DIAPH2: variants seen among roughly 807,000 people sequenced by gnomAD.
DIAPH2 encodes the protein protein diaphanous homolog 2.
In DIAPH2, 35 loss-of-function variants were observed where a neutral mutation model predicts 92.7. That is an observed-to-expected ratio of 0.38 (90% CI 0.29 to 0.50). DIAPH2 has a LOEUF of 0.50. Among genes scored for constraint, DIAPH2 ranks in the 20% least tolerant of loss-of-function variants. DIAPH2 has a pLI of 0.94. For synonymous variants in DIAPH2, 301 were observed against 280.4 expected (o/e 1.07, Z -0.73); for missense variants, 701 against 819.5 (o/e 0.86, Z 1.77).
chrX:97,237,612 C>T (rs1356456404), intron 22 of DIAPH2, among the ~76,000 whole-genome samples: 1 of 108,726 alleles, frequency 9.2e-6, no homozygotes, highest in African/African-American at 3.4e-5. Context: ...GAGTCTCTCT[C>T]GCTCTGTCGC....
intron 20 of DIAPH2, among the ~76,000 whole-genome samples, chrX:97,103,481 T>C (rs1433622503): frequency 9.0e-6 from 1 of 111,415 alleles, no homozygotes; most frequent in Non-Finnish European, 1.9e-5. Context: ...AAATAATGCA[T>C]TGAAATTGAA....
intron 26 of DIAPH2, among the ~76,000 whole-genome samples, chrX:97,554,132 G>C (rs1247651267): frequency 9.0e-6 from 1 of 111,671 alleles, no homozygotes; most frequent in Non-Finnish European, 1.9e-5. Flanking sequence ...TGGTTCTGCT[G>C]TCATGATGGC....
At chrX:97,576,276 A>G (rs778047899) in intron 26 of DIAPH2, among the ~76,000 whole-genome samples, 3 of 111,604 alleles carry the variant, frequency 2.7e-5, no homozygotes, top group Non-Finnish European at 5.6e-5. Context: ...CTGCAGTCAG[A>G]CACATTAATG....
chrX:96,980,461 T>C (rs1005175794), intron 17 of DIAPH2, among the ~76,000 whole-genome samples: 17 of 110,251 alleles, frequency 1.5e-4, no homozygotes, highest in African/African-American at 5.6e-4. Context: ...GAACCTAGGG[T>C]TTTTATGGGT....
At chrX:97,269,595 C>CAG (rs1183649163) in intron 23 of DIAPH2, among the ~76,000 whole-genome samples, 1 of 111,637 alleles carries the variant, frequency 9.0e-6, no homozygotes, top group Non-Finnish European at 1.9e-5. Flanking sequence ...ATCCTAGATA[C>CAG]AGAGATTCCT....
intron 1 of DIAPH2, among the ~76,000 whole-genome samples, chrX:96,720,166 A>T (rs1247786209): frequency 9.0e-6 from 1 of 111,651 alleles, no homozygotes. Context: ...AAAACTGTGT[A>T]CATATAGCTT....
chrX:97,106,854 C>T (rs1602346260), intron 20 of DIAPH2, among the ~76,000 whole-genome samples: 1 of 112,086 alleles, frequency 8.9e-6, no homozygotes, highest in East Asian at 2.8e-4. Context: ...ATCGTTTGAA[C>T]GTGAGAGGCG....
intron 26 of DIAPH2, among the ~76,000 whole-genome samples, chrX:97,438,236 G>A (rs754119675): frequency 8.3e-5 from 9 of 107,801 alleles, no homozygotes; most frequent in Non-Finnish European, 1.7e-4. Context: ...TAGGCAGAAT[G>A]ACAACTGATA....
intron 24 of DIAPH2, among the ~76,000 whole-genome samples, chrX:97,363,499 A>T (rs1281288727): frequency 9.6e-6 from 1 of 103,786 alleles, no homozygotes; most frequent in Non-Finnish European, 2.0e-5. Context: ...TCTACTAAAA[A>T]TACAAAAAAA....
At chrX:97,010,376 A>T (rs1306449401) in intron 17 of DIAPH2, among the ~76,000 whole-genome samples, 1 of 111,433 alleles carries the variant, frequency 9.0e-6, no homozygotes, top group East Asian at 2.8e-4. Context: ...TTGGTGATTC[A>T]AAATGGTCTT....
chrX:97,574,235 T>G (rs768410222), intron 26 of DIAPH2, among the ~76,000 whole-genome samples: 1 of 111,853 alleles, frequency 8.9e-6, no homozygotes, highest in South Asian at 3.7e-4. Context: ...CACAGGAAAA[T>G]TAAACGATTT....
intron 26 of DIAPH2, chrX:97,449,781 T>G: frequency 3.1e-6 from 1 of 319,559 alleles, no homozygotes; most frequent in Non-Finnish European, 4.1e-6. Context: ...TGCCCTTTAG[T>G]GGGTCCCATT....
At chrX:97,193,012 C>CTTTT (rs373054114) in intron 22 of DIAPH2, among the ~76,000 whole-genome samples, 19 of 86,554 alleles carry the variant, frequency 2.2e-4, no homozygotes, top group African/African-American at 5.6e-4. Context: ...TTTTTCTTTT[C>CTTTT]TTTTTTTTTT....
At chrX:97,288,185 G>A (rs2068561387) in intron 23 of DIAPH2, among the ~76,000 whole-genome samples, 1 of 110,701 alleles carries the variant, frequency 9.0e-6, no homozygotes, top group Non-Finnish European at 1.9e-5. Flanking sequence ...CTTGGCTGAG[G>A]TTGGTGAGTA....
chrX:96,779,383 C>CGTAT (rs756086869), intron 4 of DIAPH2, among the ~76,000 whole-genome samples: 25 of 112,093 alleles, frequency 2.2e-4, no homozygotes, highest in African/African-American at 7.7e-4. Flanking sequence ...TATACCCATA[C>CGTAT]TAACTCATTA....
chrX:97,274,844 C>T (rs761074242), intron 23 of DIAPH2, among the ~76,000 whole-genome samples: 3 of 110,460 alleles, frequency 2.7e-5, no homozygotes, highest in South Asian at 3.9e-4. Flanking sequence ...GGTGATGACT[C>T]TTAACGAGCA....
At chrX:96,827,251 A>T (rs2064821609) in intron 4 of DIAPH2, among the ~76,000 whole-genome samples, 1 of 111,924 alleles carries the variant, frequency 8.9e-6, no homozygotes. Context: ...CATACTTCTG[A>T]TATTATCTGT....
At chrX:97,401,471 G>A (rs2069756893) in intron 25 of DIAPH2, among the ~76,000 whole-genome samples, 1 of 111,403 alleles carries the variant, frequency 9.0e-6, no homozygotes, top group Admixed American at 9.6e-5. Context: ...GCAGGCCAAT[G>A]TACTACCATC....
At chrX:97,244,761 A>G (rs1343680969) in intron 22 of DIAPH2, among the ~76,000 whole-genome samples, 2 of 111,712 alleles carry the variant, frequency 1.8e-5, no homozygotes, top group East Asian at 2.8e-4. Context: ...ATTTTCAGAG[A>G]TAAGGATGTT....
Sources: allele counts gnomAD v4.1 joint callset (sites outside exome capture counted in the v4.1 genomes callset), GRCh38; gene constraint gnomAD v4.1.1; transcripts MANE v1.5; gene names NCBI Gene and HGNC (gene_info 2026-07-23, HGNC 2026-07-21).